KANSL1: variants seen among roughly 807,000 people sequenced by gnomAD.
KANSL1 encodes the protein MLL1/MLL complex subunit KANSL1.
Under a neutral mutation model 103.6 loss-of-function variants are expected in KANSL1, and 22 were observed. The observed-to-expected ratio is 0.21, with a 90% CI of 0.15 to 0.30. The LOEUF (loss-of-function observed/expected upper bound fraction) is 0.30, where lower values mean the gene tolerates loss of function less well. Ranked by LOEUF, KANSL1 falls within the 10% of genes least tolerant of loss-of-function variation. The pLI, the probability that KANSL1 is intolerant of heterozygous loss-of-function variation, is 1.00. For synonymous variants in KANSL1, 600 were observed against 527.6 expected (o/e 1.14, Z -1.88); for missense variants, 1,337 against 1,399.8 (o/e 0.96, Z 0.72).
chr17:46,035,101 CTCT>C (rs2077109850), intron 10 of KANSL1: 1 of 152,230 alleles, frequency 6.6e-6, no homozygotes, highest in Admixed American at 6.5e-5. Flanking sequence ...ATGGCTTAGT[CTCT>C]TGGATGGAGG....
At chr17:46,190,072 A>T (rs912958251) in intron 1 of KANSL1, among the ~76,000 whole-genome samples, 6 of 152,174 alleles carry the variant, frequency 3.9e-5, no homozygotes, top group Non-Finnish European at 7.3e-5. Context: ...AACAGAACAA[A>T]CCTAAAACTT....
chr17:46,105,474 G>C (rs2042492624), intron 2 of KANSL1, among the ~76,000 whole-genome samples: 1 of 146,960 alleles, frequency 6.8e-6, no homozygotes, highest in Non-Finnish European at 1.5e-5. Context: ...AAAATTAGTA[G>C]GGAATGTGGT....
upstream of KANSL1, chr17:46,193,527 C>T (rs1350597441): frequency 6.8e-6 from 1 of 147,794 alleles, no homozygotes; most frequent in Admixed American, 6.7e-5. Flanking sequence ...GCCGCTCCAC[C>T]CCGGCGCGCC....
At chr17:46,050,813 C>G in intron 6 of KANSL1, 109 bp from the exon 7 acceptor site, 3 of 870,654 alleles carry the variant, frequency 3.4e-6, no homozygotes, top group Non-Finnish European at 3.5e-6. Context: ...TTTGTTATTG[C>G]GAAGACCTTT....
chr17:46,171,311 A>G lies in KANSL1; in HGVS notation c.833T>C (p.Leu278Ser), dbSNP rs2046274101. Residue 278 changes from leucine to serine, a missense_variant, in exon 2 of 15, where the codon TTA (leucine) becomes TCA (serine). By Grantham distance (145) the Leu-to-Ser change is moderately radical. Transcript: ENST00000432791. ...AGCTGTTATCCTTGTGTCAGAATCT[A>G]AAGCACTGAAAAGAATGGAAGACAG... ...SPLSSILFSA[L>S]DSDTRITALL... 2 of 1,614,168 alleles carry G rather than the reference A, an allele frequency of 1.2e-6. No individual in the cohort carries two copies. The highest frequency in any genetic ancestry group is 4.5e-5 in the East Asian group (2 of 44,880).
intron 6 of KANSL1, among the ~76,000 whole-genome samples, chr17:46,059,047 GGAAAAAAAAAAAAA>G (rs1443303579): frequency 2.2e-5 from 3 of 136,436 alleles, no homozygotes; most frequent in South Asian, 2.2e-4. Context: ...ACTCCATCTC[GGAAAAAAAAAAAAA>G]GAAAGAAAGA....
Position 46,125,035 on chromosome 17 carries a change from G to GGGAGGTAGGGA in KANSL1, c.1290-30335_1290-30334insTCCCTACCTCC, listed in dbSNP as rs1598687701. Among the ~76,000 whole-genome samples the GGGAGGTAGGGA allele has an allele frequency of 1.0e-4, 6 of 58,190 alleles. No individual in the cohort carries two copies. In the Admixed American group the frequency reaches 1.2e-3, roughly 11 times the overall value. 38.2% of individuals were successfully genotyped at this position (58,190 alleles called of 152,430 possible). ...AAGGGAAGGGAAGGGAGGGGAGGTAGGGAGGGAGGGAGGAGGGAGGGAGGA... is the reference window on the plus strand; with the variant it reads ...AAGGGAAGGGAAGGGAGGGGAGGTAGGGAGGTAGGGAGGAGGGAGGGAGGAGGGAGGGAGGA... On this transcript the variant is annotated intron_variant, in intron 2 of 14. Transcript: ENST00000432791.
At position 46,171,011 on chromosome 17, in the gene KANSL1, T is replaced by A; in HGVS notation, c.1133A>T (p.Glu378Val). Residue 378 changes from glutamate to valine, a missense_variant, in exon 2 of 15, where the codon GAA (glutamate) becomes GTA (valine). Glu to Val is a moderately radical substitution (Grantham distance 121, BLOSUM62 -2). Around this residue, in one of 2 missense-constraint regions of KANSL1, gnomAD observed 557 missense variants for 476.4 expected, o/e 1.17. Coordinates refer to ENST00000432791, the MANE Select transcript of KANSL1 (RefSeq NM_015443.4). The stretch of plus-strand genomic sequence containing the variant: ...ACTAGCTGTAAATCTCTCCAATTCT[T>A]CTGAAATTGAATTGCTTTTCAGAAA... ...SNFLKSNSIS[E>V]ELERFTASGI... is the part of the protein sequence containing the mutation. 1 of 1,614,200 alleles carries A rather than the reference T, an allele frequency of 6.2e-7. No homozygotes were observed.
intron 2 of KANSL1, among the ~76,000 whole-genome samples, chr17:46,136,245 TAC>T (rs2044135494): frequency 1.3e-5 from 2 of 152,218 alleles, no homozygotes; most frequent in Non-Finnish European, 2.9e-5. Context: ...TCCTAATCTA[TAC>T]ATTCTTTAAA....
At chr17:46,053,913 T>G (rs1179892753) in intron 6 of KANSL1, among the ~76,000 whole-genome samples, 1 of 152,166 alleles carries the variant, frequency 6.6e-6, no homozygotes, top group African/African-American at 2.4e-5. Context: ...ATGAATTCAT[T>G]TAAGTTAAAA....
At chr17:46,107,081 C>T (rs2042598746) in intron 2 of KANSL1, among the ~76,000 whole-genome samples, 1 of 152,190 alleles carries the variant, frequency 6.6e-6, no homozygotes, top group Non-Finnish European at 1.5e-5. Flanking sequence ...AAGAAGGTAA[C>T]CCAAGTTTGG....
chr17:46,039,721 G>A lies in KANSL1; in HGVS notation c.2184C>T (p.Ser728=), dbSNP rs2077256898. 1 of 1,613,900 alleles carries A rather than the reference G, an allele frequency of 6.2e-7. No individual in the cohort carries two copies. ...SARKDRHKLV[S]SFLTTAKLSH... ...ACTTACTGGCTGTTGTTAGGAAGGA[G>A]CTGACCAATTTGTGCCTGTCCTTAC... The change falls in exon 8 of 15, where the codon AGC becomes AGT. Residue 728 remains serine (S), a synonymous_variant. Coordinates refer to ENST00000432791, the MANE Select transcript of KANSL1 (RefSeq NM_015443.4).
At chr17:46,049,032 C>A (rs2077611876) in intron 7 of KANSL1, among the ~76,000 whole-genome samples, 2 of 152,132 alleles carry the variant, frequency 1.3e-5, no homozygotes, top group African/African-American at 4.8e-5. Context: ...TAGTTGCAAT[C>A]TTTTAGTGGT....
At chr17:46,179,322 T>C (rs972957032) in intron 1 of KANSL1, among the ~76,000 whole-genome samples, 8 of 152,316 alleles carry the variant, frequency 5.3e-5, no homozygotes, top group Non-Finnish European at 1.0e-4. Context: ...GAAAACCTCA[T>C]TTATTCCCAG....
At chr17:46,089,700 A>C (rs915189224) in intron 3 of KANSL1, among the ~76,000 whole-genome samples, 8 of 152,160 alleles carry the variant, frequency 5.3e-5, no homozygotes, top group South Asian at 2.1e-4. Context: ...TAAAAAAAAA[A>C]CCCAAGCACT....
intron 4 of KANSL1, among the ~76,000 whole-genome samples, chr17:46,079,451 A>T (rs2078905224): frequency 6.6e-6 from 1 of 152,250 alleles, no homozygotes; most frequent in Non-Finnish European, 1.5e-5. Context: ...AGGGCCCAGA[A>T]GTCTTACTGG....
intron 2 of KANSL1, among the ~76,000 whole-genome samples, chr17:46,135,012 G>A (rs558492913): frequency 3.3e-5 from 5 of 152,278 alleles, no homozygotes; most frequent in African/African-American, 4.8e-5. Context: ...ATGAATTCTC[G>A]TTGCTGTCCC....
At chr17:46,142,375 GAGGCCA>G (rs2044465253) in intron 2 of KANSL1, among the ~76,000 whole-genome samples, 1 of 152,216 alleles carries the variant, frequency 6.6e-6, no homozygotes, top group Admixed American at 6.5e-5. Flanking sequence ...AGCACTTTGG[GAGGCCA>G]AGGCAGGAGG....
At chr17:46,048,092 G>A (rs1043911117) in intron 7 of KANSL1, among the ~76,000 whole-genome samples, 1 of 151,872 alleles carries the variant, frequency 6.6e-6, no homozygotes, top group Non-Finnish European at 1.5e-5. Context: ...GTTTTTAGTA[G>A]AGATAGGGTT....
Sources: allele counts gnomAD v4.1 joint callset (sites outside exome capture counted in the v4.1 genomes callset), GRCh38; gene constraint gnomAD v4.1.1; regional missense constraint gnomAD v4.1.1; transcripts MANE v1.5; gene names NCBI Gene and HGNC (gene_info 2026-07-23, HGNC 2026-07-21).